The following CPNE5 variants were observed in gnomAD, a reference collection of about 807,000 sequenced individuals.
CPNE5 encodes copine-5.
A neutral mutation model predicts 81.1 loss-of-function variants in CPNE5; 42 were observed. The observed-to-expected ratio is 0.52, with a 90% CI of 0.40 to 0.67. The LOEUF is 0.67. Among genes scored for constraint, CPNE5 ranks in the 30% least tolerant of loss-of-function variants. The pLI is 0.00. For missense variants in CPNE5, 612 were observed against 815.5 expected, an observed-to-expected ratio of 0.75 and a Z score of 3.04; for synonymous variants, 313 against 321.5, an observed-to-expected ratio of 0.97 and a Z score of 0.28.
intron 3 of CPNE5, among the ~76,000 whole-genome samples, chr6:36,806,638 C>A (rs1250381194): frequency 1.3e-5 from 2 of 152,212 alleles, no homozygotes; most frequent in East Asian, 1.9e-4. Context: ...GTTTCTCTTT[C>A]CTGCTGGGAC....
intron 7 of CPNE5, 126 bp from the exon 8 acceptor site, chr6:36,792,222 C>G (rs917637930): frequency 9.8e-6 from 12 of 1,230,274 alleles, no homozygotes; most frequent in Non-Finnish European, 1.3e-5. Flanking sequence ...CACCCCAAAG[C>G]CCCTGAGAAG....
chr6:36,774,535 C>T (rs1219185629), intron 10 of CPNE5, among the ~76,000 whole-genome samples: 1 of 149,664 alleles, frequency 6.7e-6, no homozygotes, highest in African/African-American at 2.6e-5. Context: ...GCATCAACAC[C>T]CTGCTTCCCT....
At chr6:36,794,708 G>T in intron 6 of CPNE5, 59 bp from the exon 7 acceptor site, 2 of 1,498,730 alleles carry the variant, frequency 1.3e-6, no homozygotes, top group East Asian at 2.3e-5. Flanking sequence ...CACCCAGACA[G>T]GCCAGCGCAC....
intron 10 of CPNE5, among the ~76,000 whole-genome samples, chr6:36,768,225 C>CTTTTTTTCTTTTTTCTTTT (rs527797208): frequency 3.3e-5 from 2 of 60,516 alleles, no homozygotes; most frequent in South Asian, 1.3e-3. Flanking sequence ...ATTCACAGTT[C>CTTTTTTTCTTTTTTCTTTT]TTTTTTTTTT....
chr6:36,769,243 G>T (rs28417878), intron 10 of CPNE5, among the ~76,000 whole-genome samples: 23,413 of 152,138 alleles, frequency 0.15, 1,977 homozygotes, highest in East Asian at 0.34. Context: ...TAATAATACC[G>T]TCATTCTACA....
intron 13 of CPNE5, chr6:36,755,012 CA>C (rs1369820413): frequency 6.6e-6 from 1 of 152,306 alleles, no homozygotes; most frequent in East Asian, 1.9e-4. Context: ...GTCTGTGAAG[CA>C]GTTACAATCA....
At chr6:36,757,404 T>C in intron 12 of CPNE5, 1 of 980,810 alleles carries the variant, frequency 1.0e-6, no homozygotes. Flanking sequence ...TATTGCTATC[T>C]ACTTCCAGCA....
intron 1 of CPNE5, 94 bp from the exon 2 acceptor site, chr6:36,823,192 T>C (rs1583021584): frequency 3.7e-6 from 4 of 1,095,644 alleles, no homozygotes; most frequent in Non-Finnish European, 1.3e-6. Context: ...AGAGGCTGCC[T>C]CTGGCCTGGC....
Position 36,756,230 on chromosome 6 carries a change from G to A in CPNE5, c.909+15C>T, listed in dbSNP as rs142416302. On this transcript the variant is annotated intron_variant, in intron 13 of 20. Coordinates refer to ENST00000244751, the MANE Select transcript of CPNE5 (RefSeq NM_020939.2). ...ATGTCTACACCCGGCTGCAGAGACCGGGGTGGCTACTCACTGTGCCAGAAT... is the reference window on the plus strand; with the variant it reads ...ATGTCTACACCCGGCTGCAGAGACCAGGGTGGCTACTCACTGTGCCAGAAT... 299 of 1,611,794 alleles carry A rather than the reference G, an allele frequency of 1.9e-4. 1 individual carries two copies. Among genetic ancestry groups the A allele is most frequent in the Middle Eastern group, 9.9e-4 (6 of 6,060 alleles).
upstream of CPNE5, chr6:36,839,715 G>A (rs1248276010): frequency 7.0e-6 from 2 of 285,170 alleles, no homozygotes; most frequent in African/African-American, 2.2e-5. The surrounding 1 kb of genome is among the most constrained non-coding windows in gnomAD (Gnocchi z 7.3). Flanking sequence ...AGGGAAACGC[G>A]GAGTCGTGGA....
At chr6:36,762,003 G>A (rs1766071810) in intron 12 of CPNE5, among the ~76,000 whole-genome samples, 1 of 152,060 alleles carries the variant, frequency 6.6e-6, no homozygotes, top group African/African-American at 2.4e-5. Context: ...TATAATCCCA[G>A]CACTTTGGGA....
rs1343720337 is a variant in CPNE5 at position 36,839,432 on chromosome 6, C to G, written c.-55G>C. The G allele has an allele frequency of 4.2e-6, 6 of 1,432,788 alleles. No individual in the cohort carries two copies. The highest frequency in any genetic ancestry group is 4.7e-6 in the Non-Finnish European group (5 of 1,056,156). 88.8% of individuals were successfully genotyped at this position (1,432,788 alleles called of 1,614,324 possible). A position where few individuals can be genotyped will look rare whatever the true frequency, so the allele number is the denominator to read the frequency against. ...TCAATCCCTGCGCGATTCACGCCTC[C>G]TCCGGAGCGACTGGAGCCCTGGGCT... On this transcript the variant is annotated 5_prime_UTR_variant, in exon 1 of 21. Coordinates refer to ENST00000244751, the MANE Select transcript of CPNE5 (RefSeq NM_020939.2). This position sits in a 1 kb window ranked among gnomAD's most constrained non-coding sequence, Gnocchi z 7.3.
intron 1 of CPNE5, among the ~76,000 whole-genome samples, chr6:36,823,785 G>A (rs976404722): frequency 2.0e-5 from 3 of 152,184 alleles, no homozygotes; most frequent in African/African-American, 7.2e-5. Context: ...ACTGAGCCCC[G>A]GCGATGGGTC....
intron 8 of CPNE5, among the ~76,000 whole-genome samples, chr6:36,790,006 G>A (rs539370363): frequency 9.9e-5 from 15 of 152,242 alleles, no homozygotes; most frequent in African/African-American, 3.6e-4. Flanking sequence ...GAAGTCCTTG[G>A]AAACAGAGTT....
At chr6:36,796,906 GTTATTATTA>G (rs1184982254) in intron 6 of CPNE5, among the ~76,000 whole-genome samples, 1 of 151,664 alleles carries the variant, frequency 6.6e-6, no homozygotes, top group Non-Finnish European at 1.5e-5. Context: ...ACACATTGCA[GTTATTATTA>G]TTATTATTAT....
At chr6:36,792,872 G>A (rs919236542) in intron 7 of CPNE5, among the ~76,000 whole-genome samples, 3 of 152,164 alleles carry the variant, frequency 2.0e-5, no homozygotes, top group African/African-American at 7.2e-5. Flanking sequence ...AGCCAGAGGT[G>A]GGGGAGTCCC....
At chr6:36,800,218 C>T (rs113731448) in intron 3 of CPNE5, 148 bp from the exon 4 acceptor site, 25 of 604,386 alleles carry the variant, frequency 4.1e-5, no homozygotes, top group Middle Eastern at 4.4e-4. Context: ...CATCCATCCC[C>T]TCCCAATCAA....
At chr6:36,817,404 C>T (rs1292418750) in intron 3 of CPNE5, among the ~76,000 whole-genome samples, 1 of 152,166 alleles carries the variant, frequency 6.6e-6, no homozygotes, top group Admixed American at 6.5e-5. Context: ...CTGCCATCTT[C>T]ACTCCTGGAG....
At chr6:36,783,287 G>C (rs970547768) in intron 8 of CPNE5, among the ~76,000 whole-genome samples, 2 of 151,036 alleles carry the variant, frequency 1.3e-5, no homozygotes, top group Non-Finnish European at 2.9e-5. Flanking sequence ...CTTAATACCT[G>C]GGGGTGAAAT....
Sources: gnomAD v4.1 joint callset for allele counts (sites outside exome capture counted in the v4.1 genomes callset) on GRCh38, gnomAD v4.1.1 for gene constraint, Gnocchi (gnomAD v3.1) non-coding constraint, MANE v1.5 for transcripts, NCBI Gene and HGNC (gene_info 2026-07-23, HGNC 2026-07-21) for gene names.